MGAT4C: variants seen among roughly 807,000 people sequenced by gnomAD.
MGAT4C encodes MGAT4 family member C.
MGAT4C carries 19 observed loss-of-function variants against 40.1 expected under a neutral mutation model. The observed-to-expected ratio is 0.47, with a 90% CI of 0.33 to 0.70. The LOEUF (loss-of-function observed/expected upper bound fraction) is 0.70. Ranked by LOEUF, MGAT4C falls within the 30% of genes least tolerant of loss-of-function variation. The pLI is 0.02. For missense variants in MGAT4C, 491 were observed against 563.2 expected, an observed-to-expected ratio of 0.87 and a Z score of 1.30; for synonymous variants, 181 against 187.1, an observed-to-expected ratio of 0.97 and a Z score of 0.27.
intron 2 of MGAT4C, among the ~76,000 whole-genome samples, chr12:86,479,559 T>G (rs1310025026): frequency 2.6e-5 from 4 of 151,760 alleles, no homozygotes; most frequent in African/African-American, 7.2e-5. Flanking sequence ...CCTTAGCTAT[T>G]TTTTTTATAC....
At chr12:86,000,817 T>C (rs1887211903) in intron 2 of MGAT4C, among the ~76,000 whole-genome samples, 1 of 152,172 alleles carries the variant, frequency 6.6e-6, no homozygotes, top group Non-Finnish European at 1.5e-5. Context: ...TTCTAATTTT[T>C]CCAATTTTGA....
intron 2 of MGAT4C, among the ~76,000 whole-genome samples, chr12:86,492,867 A>G (rs1378045271): frequency 1.3e-5 from 2 of 152,224 alleles, no homozygotes; most frequent in South Asian, 2.1e-4. Flanking sequence ...GGCAACCTAC[A>G]GAATGGGAGA....
intron 1 of MGAT4C, among the ~76,000 whole-genome samples, chr12:86,204,550 A>G (rs1039830198): frequency 1.3e-5 from 2 of 152,188 alleles, no homozygotes; most frequent in Non-Finnish European, 1.5e-5. Context: ...ACCATTGGAA[A>G]CAGCATACAA....
chr12:86,334,958 G>A (rs928342708), intron 3 of MGAT4C, among the ~76,000 whole-genome samples: 27 of 151,926 alleles, frequency 1.8e-4, no homozygotes, highest in African/African-American at 4.8e-4. Flanking sequence ...TTAGGAAAAT[G>A]TAAAAATGTA....
intron 4 of MGAT4C, among the ~76,000 whole-genome samples, chr12:86,310,046 T>C (rs953280904): frequency 6.6e-6 from 1 of 151,080 alleles, no homozygotes; most frequent in Non-Finnish European, 1.5e-5. Context: ...AAATAAATAA[T>C]AGAAAAAGAA....
intron 1 of MGAT4C, among the ~76,000 whole-genome samples, chr12:86,054,548 T>C (rs1355474921): frequency 6.6e-6 from 1 of 151,988 alleles, no homozygotes. Flanking sequence ...GCATATTGTA[T>C]ACTTGAAAAT....
At chr12:86,515,844 A>G (rs1469615218) in intron 2 of MGAT4C, among the ~76,000 whole-genome samples, 2 of 150,424 alleles carry the variant, frequency 1.3e-5, no homozygotes, top group Non-Finnish European at 2.9e-5. Context: ...CCGGGTTCAT[A>G]CCATTCTCCT....
At chr12:86,028,388 A>G (rs915952040) in intron 2 of MGAT4C, among the ~76,000 whole-genome samples, 2 of 151,776 alleles carry the variant, frequency 1.3e-5, no homozygotes, top group African/African-American at 4.8e-5. Flanking sequence ...TTTCTCTCCT[A>G]TAGGTAAGAA....
chr12:86,730,363 G>A lies in MGAT4C; in HGVS notation c.-261-3122C>T, dbSNP rs189507395. 3.5e-3 allele frequency among the ~76,000 whole-genome samples: 514 copies of A among 148,154 alleles called. 2 individuals are homozygous for A. Among genetic ancestry groups the A allele is most frequent in the African/African-American group, 0.012 (493 of 40,778 alleles). On this transcript the variant is annotated intron_variant, in intron 1 of 7. Coordinates refer to the MGAT4C transcript ENST00000548651. ...GGTAGGAAATAAAAAGTAAACACAG[G>A]AATAAAGTCATATCATCTTTTTCAA...
chr12:86,803,555 A>C (rs1466930973), intron 1 of MGAT4C, among the ~76,000 whole-genome samples: 46 of 151,308 alleles, frequency 3.0e-4, no homozygotes, highest in Admixed American at 6.6e-4. Context: ...CAATGAACTC[A>C]AACAAATTTA....
chr12:86,778,694 G>T (rs541588563), intron 1 of MGAT4C, among the ~76,000 whole-genome samples: 4 of 152,226 alleles, frequency 2.6e-5, no homozygotes, highest in African/African-American at 9.6e-5. Context: ...CTACCAACAT[G>T]TAACATTGAT....
intron 4 of MGAT4C, among the ~76,000 whole-genome samples, chr12:86,261,545 TA>T (rs1055205693): frequency 6.6e-6 from 1 of 152,058 alleles, no homozygotes; most frequent in African/African-American, 2.4e-5. Flanking sequence ...CTGAGAAAAG[TA>T]ACTTTTAAGA....
At chr12:86,723,956 T>C (rs1593152168) in intron 2 of MGAT4C, among the ~76,000 whole-genome samples, 1 of 152,174 alleles carries the variant, frequency 6.6e-6, no homozygotes, top group Non-Finnish European at 1.5e-5. Context: ...AAATTGTGTA[T>C]GTGTAAGTCT....
intron 4 of MGAT4C, among the ~76,000 whole-genome samples, chr12:86,269,194 GTTATAA>G (rs902682991): frequency 6.6e-5 from 10 of 150,380 alleles, no homozygotes; most frequent in African/African-American, 1.7e-4. Flanking sequence ...GCACAAAGTT[GTTATAA>G]TTATATCTAT....
intron 2 of MGAT4C, among the ~76,000 whole-genome samples, chr12:86,621,039 G>A (rs989667520): frequency 6.6e-6 from 1 of 151,918 alleles, no homozygotes; most frequent in African/African-American, 2.4e-5. Context: ...TCATATCAAC[G>A]TGAGAATGAA....
intron 2 of MGAT4C, among the ~76,000 whole-genome samples, chr12:86,726,048 A>G (rs142101525): frequency 1.3e-5 from 2 of 152,326 alleles, no homozygotes; most frequent in African/African-American, 4.8e-5. Flanking sequence ...TCTAAAGACT[A>G]TGGATCGTTT....
chr12:86,684,579 T>TG (rs1341794656), intron 2 of MGAT4C, among the ~76,000 whole-genome samples: 1 of 152,212 alleles, frequency 6.6e-6, no homozygotes, highest in Non-Finnish European at 1.5e-5. Flanking sequence ...ATGGTATTTC[T>TG]GGTTGTAGAT....
At chr12:86,736,425 T>G (rs1245232271) in intron 1 of MGAT4C, among the ~76,000 whole-genome samples, 1 of 151,836 alleles carries the variant, frequency 6.6e-6, no homozygotes, top group Admixed American at 6.6e-5. Context: ...CGGCTTAAAT[T>G]TTATTGCTAA....
intron 4 of MGAT4C, among the ~76,000 whole-genome samples, chr12:86,292,424 G>T (rs985410585): frequency 7.6e-6 from 1 of 132,120 alleles, no homozygotes; most frequent in Non-Finnish European, 1.6e-5. Flanking sequence ...TAAAGAATAA[G>T]AAGAAAAACC....
Sources: gnomAD v4.1 joint callset for allele counts (sites outside exome capture counted in the v4.1 genomes callset) on GRCh38, gnomAD v4.1.1 for gene constraint, MANE v1.5 for transcripts, NCBI Gene and HGNC (gene_info 2026-07-23, HGNC 2026-07-21) for gene names.